Variants in MYO1H observed in about 807,000 individuals in gnomAD.
The protein encoded by MYO1H is unconventional myosin-Ih.
In MYO1H, 118 loss-of-function variants were observed where a neutral mutation model predicts 149.3. The ratio of observed to expected loss-of-function variants is 0.79; its 90% CI spans 0.68 to 0.92. The LOEUF (loss-of-function observed/expected upper bound fraction) is 0.92, where lower values mean the gene tolerates loss of function less well. MYO1H is among the 40% of genes least tolerant of loss of function. The pLI is 0.00. For missense variants in MYO1H, 1,212 were observed against 1,280.7 expected (o/e 0.95, Z 0.82); for synonymous variants, 447 against 465.2 (o/e 0.96, Z 0.50).
intron 7 of MYO1H, among the ~76,000 whole-genome samples, chr12:109,405,717 T>G (rs1289629563): frequency 3.3e-5 from 5 of 152,208 alleles, no homozygotes; most frequent in Admixed American, 6.5e-5. Context: ...TGAGGCTGTT[T>G]CCCTCTTCCC....
intron 31 of MYO1H, chr12:109,445,943 T>G (rs1872461820): frequency 2.0e-6 from 2 of 985,078 alleles, no homozygotes; most frequent in South Asian, 9.4e-5. Flanking sequence ...ATCCATAACT[T>G]CCCCCCACGT....
the MYO1H span, among the ~76,000 whole-genome samples, chr12:109,333,542 AAG>A: frequency 1.3e-5 from 2 of 151,974 alleles, no homozygotes; most frequent in Admixed American, 6.6e-5. Flanking sequence ...ATTTGTCTCT[AAG>A]AGATGAACTG....
At chr12:109,411,851 G>A (rs1169994195) in intron 13 of MYO1H, 43 bp from the exon 14 acceptor site, 1 of 1,390,872 alleles carries the variant, frequency 7.2e-7, no homozygotes, top group Admixed American at 2.1e-5. Context: ...GGCATTGATG[G>A]AGTGTGGTGC....
chr12:109,338,747 CAGAGCAAGACTCCATCTCAAAAA>C, the MYO1H span, among the ~76,000 whole-genome samples: 921 of 118,758 alleles, frequency 7.8e-3, 10 homozygotes, highest in African/African-American at 0.029. Flanking sequence ...GCCTGGGTGA[CAGAGCAAGACTCCATCTCAAAAA>C]AAAAAAAAAA....
intron 15 of MYO1H, among the ~76,000 whole-genome samples, chr12:109,417,060 A>G (rs1434833126): frequency 1.3e-5 from 2 of 151,842 alleles, no homozygotes; most frequent in African/African-American, 2.4e-5. Context: ...AGTCCCAGCT[A>G]CTTGGGAGGC....
the MYO1H span, among the ~76,000 whole-genome samples, chr12:109,336,834 C>A: frequency 2.0e-5 from 3 of 152,134 alleles, no homozygotes; most frequent in African/African-American, 7.2e-5. Context: ...GGTCACATGC[C>A]CATTCCCGAA....
At chr12:109,350,091 A>G (rs1233746967) in intron 1 of MYO1H, among the ~76,000 whole-genome samples, 2 of 152,112 alleles carry the variant, frequency 1.3e-5, no homozygotes, top group Admixed American at 6.5e-5. Flanking sequence ...GAACTGAAGC[A>G]CCATGAATAA....
intron 1 of MYO1H, among the ~76,000 whole-genome samples, chr12:109,362,683 T>G (rs78921317): frequency 0.025 from 3,841 of 152,306 alleles, 62 homozygotes; most frequent in Middle Eastern, 0.054. Context: ...GTCCACATTC[T>G]TCTTGGTATT....
intron 3 of MYO1H, among the ~76,000 whole-genome samples, chr12:109,395,928 G>A (rs1869878913): frequency 6.6e-6 from 1 of 151,572 alleles, no homozygotes; most frequent in Non-Finnish European, 1.5e-5. Context: ...TGTTGTTGTT[G>A]TTGTTTTTGA....
At chr12:109,440,889 G>A in intron 25 of MYO1H, 62 bp downstream of exon 25, 1 of 1,196,206 alleles carries the variant, frequency 8.4e-7, no homozygotes, top group Non-Finnish European at 1.2e-6. Context: ...GGTCCTGAGT[G>A]TCAGTCCTCC....
the MYO1H span, among the ~76,000 whole-genome samples, chr12:109,316,493 TG>T: frequency 6.6e-6 from 1 of 152,242 alleles, no homozygotes; most frequent in Non-Finnish European, 1.5e-5. Context: ...CGTATAAACT[TG>T]TTCCAATATA....
exon 7 of MYO1H, chr12:109,404,051 G>A: frequency 6.2e-7 from 1 of 1,613,694 alleles, no homozygotes; most frequent in Non-Finnish European, 8.5e-7. Context: ...CGCCTTTTCT[G>A]TCATTGATTT....
At chr12:109,367,022 T>C (rs1401009683) in intron 1 of MYO1H, among the ~76,000 whole-genome samples, 3 of 152,230 alleles carry the variant, frequency 2.0e-5, no homozygotes, top group South Asian at 2.1e-4. Flanking sequence ...CAAAATCTCA[T>C]GTATTTCTTG....
intron 1 of MYO1H, among the ~76,000 whole-genome samples, chr12:109,376,630 C>T (rs74470587): frequency 0.059 from 8,995 of 152,240 alleles, 869 homozygotes; most frequent in African/African-American, 0.21. Flanking sequence ...ATCCTGGGCT[C>T]TCTATTCTGT....
Position 109,420,973 on chromosome 12 carries a change from T to C in MYO1H, c.1598-8T>C. The stretch of plus-strand genomic sequence containing the variant: ...TGATTCAAAAAATTTTTCTTCAATG[T>C]TTTACAGGATTCTTGGAAAAAAACA... On this transcript the variant is annotated splice_polypyrimidine_tract_variant and splice_region_variant and intron_variant, in intron 15 of 31. Coordinates refer to ENST00000310903, the Ensembl canonical transcript of MYO1H. 6.4e-7 allele frequency: 1 copy of C among 1,557,162 alleles called. No homozygotes were observed. Among genetic ancestry groups the C allele is most frequent in the South Asian group, 1.1e-5 (1 of 87,814 alleles).
chr12:109,442,372 G>A, intron 27 of MYO1H, 100 bp downstream of exon 27: 1 of 965,778 alleles, frequency 1.0e-6, no homozygotes, highest in South Asian at 1.4e-5. Context: ...TAAATGCAGG[G>A]GTGCAGCTGG....
chr12:109,437,497 G>C (rs917923892), intron 22 of MYO1H, among the ~76,000 whole-genome samples: 33 of 152,270 alleles, frequency 2.2e-4, no homozygotes, highest in African/African-American at 7.0e-4. Flanking sequence ...ATTATAGGAA[G>C]TATTTTAGAC....
intron 2 of MYO1H, among the ~76,000 whole-genome samples, chr12:109,389,453 G>A (rs945535758): frequency 5.9e-5 from 9 of 152,286 alleles, no homozygotes; most frequent in African/African-American, 1.9e-4. Context: ...TAGGCAGAGA[G>A]CTGGGGAAGA....
At chr12:109,404,396 C>T (rs1870289910) in intron 7 of MYO1H, among the ~76,000 whole-genome samples, 1 of 152,186 alleles carries the variant, frequency 6.6e-6, no homozygotes, top group Non-Finnish European at 1.5e-5. Flanking sequence ...GCAGGAGAAT[C>T]GCTTGAATCC....
Sources: allele counts gnomAD v4.1 joint callset (sites outside exome capture counted in the v4.1 genomes callset), GRCh38; gene constraint gnomAD v4.1.1; transcripts MANE v1.5; gene names NCBI Gene and HGNC (gene_info 2026-07-23, HGNC 2026-07-21).